Variants in OXR1 observed in about 807,000 individuals in gnomAD.
The protein encoded by OXR1 is oxidation resistance 1, also known as oxidation resistance protein 1.
Under a neutral mutation model 104.6 loss-of-function variants are expected in OXR1, and 41 were observed. The ratio of observed to expected loss-of-function variants is 0.39; its 90% CI spans 0.31 to 0.51. OXR1 has a LOEUF of 0.51. Among genes scored for constraint, OXR1 ranks in the 20% least tolerant of loss-of-function variants. The pLI is 0.77. For missense variants in OXR1, 955 were observed against 1,031.9 expected (o/e 0.93, Z 1.02); for synonymous variants, 348 against 348.4 (o/e 1.00, Z 0.01).
At chr8:106,498,042 C>T (rs1395191670) in intron 2 of OXR1, among the ~76,000 whole-genome samples, 1 of 152,072 alleles carries the variant, frequency 6.6e-6, no homozygotes, top group Non-Finnish European at 1.5e-5. Context: ...GTATGTTTGA[C>T]TTTTGTCTTC....
chr8:106,630,210 C>T (rs78810927), intron 3 of OXR1, among the ~76,000 whole-genome samples: 1 of 152,282 alleles, frequency 6.6e-6, no homozygotes, highest in Non-Finnish European at 1.5e-5. Context: ...TCTCCTTTAG[C>T]TTCCGTTTCT....
intron 2 of OXR1, among the ~76,000 whole-genome samples, chr8:106,376,383 C>G (rs1228785809): frequency 6.6e-6 from 1 of 152,044 alleles, no homozygotes; most frequent in African/African-American, 2.4e-5. Context: ...GGGGGATTTC[C>G]CTAAAATTGT....
intron 2 of OXR1, among the ~76,000 whole-genome samples, chr8:106,367,198 A>G (rs535328146): frequency 2.6e-4 from 39 of 151,734 alleles, no homozygotes; most frequent in Middle Eastern, 6.8e-3. Flanking sequence ...GGTAGCTGGG[A>G]CTACAGGTGC....
chr8:106,694,815 AGATAAATACATT>A (rs1412976738), intron 7 of OXR1, among the ~76,000 whole-genome samples: 18 of 124,600 alleles, frequency 1.4e-4, no homozygotes, highest in African/African-American at 5.6e-4. Flanking sequence ...TATATTTAAT[AGATAAATACATT>A]TATATATATA....
intron 1 of OXR1, among the ~76,000 whole-genome samples, chr8:106,354,784 G>C (rs1305402293): frequency 1.3e-5 from 2 of 152,114 alleles, no homozygotes; most frequent in Non-Finnish European, 2.9e-5. Context: ...TATAGAAGTA[G>C]TTTAGAAAAA....
chr8:106,450,021 T>C (rs1162257689), intron 2 of OXR1, among the ~76,000 whole-genome samples: 1 of 152,198 alleles, frequency 6.6e-6, no homozygotes, highest in Admixed American at 6.5e-5. Context: ...TAGTGCTTAC[T>C]CCAGGCCAGT....
chr8:106,704,501 G>A (rs12547608), intron 8 of OXR1, among the ~76,000 whole-genome samples: 20,779 of 144,334 alleles, frequency 0.14, 1,745 homozygotes, highest in East Asian at 0.37. Flanking sequence ...GGGTTCAAGC[G>A]GTTCTCCTGC....
intron 1 of OXR1, among the ~76,000 whole-genome samples, chr8:106,328,769 C>T (rs1345402535): frequency 6.6e-6 from 1 of 152,224 alleles, no homozygotes; most frequent in East Asian, 1.9e-4. Context: ...CAGACCAACA[C>T]ATTTAATGAG....
intron 2 of OXR1, among the ~76,000 whole-genome samples, chr8:106,377,591 A>AT (rs1176981964): frequency 6.6e-6 from 1 of 152,192 alleles, no homozygotes. Context: ...TAAGGAGTTC[A>AT]TGGGCAGCCA....
At chr8:106,671,548 G>A (rs543956434) in intron 3 of OXR1, among the ~76,000 whole-genome samples, 106 of 152,148 alleles carry the variant, frequency 7.0e-4, no homozygotes, top group African/African-American at 2.1e-3. Flanking sequence ...ATTCACAATA[G>A]CAAAGACTTG....
chr8:106,635,464 T>C (rs1823051374), intron 3 of OXR1, among the ~76,000 whole-genome samples: 2 of 152,194 alleles, frequency 1.3e-5, no homozygotes. Flanking sequence ...TTTGTTTTTT[T>C]GACATAGTCT....
At chr8:106,485,135 C>CA (rs977013165) in intron 2 of OXR1, among the ~76,000 whole-genome samples, 2 of 151,726 alleles carry the variant, frequency 1.3e-5, no homozygotes, top group Non-Finnish European at 2.9e-5. Flanking sequence ...ATGGATACAA[C>CA]AAAAAAATCC....
chr8:106,341,075 TAA>T (rs1484380481), intron 1 of OXR1, among the ~76,000 whole-genome samples: 13 of 152,132 alleles, frequency 8.5e-5, no homozygotes, highest in Admixed American at 1.3e-4. Context: ...CTGCTGCTAC[TAA>T]AAGTTTCGTT....
intron 7 of OXR1, among the ~76,000 whole-genome samples, chr8:106,696,083 T>C (rs1438936969): frequency 6.6e-6 from 1 of 152,202 alleles, no homozygotes. Context: ...ATTAGTTTCA[T>C]TGGGCTGAAA....
chr8:106,450,725 C>T (rs1820265163), intron 2 of OXR1, among the ~76,000 whole-genome samples: 1 of 150,732 alleles, frequency 6.6e-6, no homozygotes, highest in South Asian at 2.1e-4. Flanking sequence ...TCCTTAAATG[C>T]TCTTATACTT....
chr8:106,580,897 C>A, intron 3 of OXR1: 1 of 738,274 alleles, frequency 1.4e-6, no homozygotes, highest in Non-Finnish European at 1.7e-6. Context: ...CTTTCAGAAG[C>A]TAAATATTTT....
chr8:106,381,605 T>TTA (rs1428929004), intron 2 of OXR1, among the ~76,000 whole-genome samples: 1 of 152,106 alleles, frequency 6.6e-6, no homozygotes, highest in Non-Finnish European at 1.5e-5. Flanking sequence ...AACACACAGG[T>TTA]TATACCTTTA....
chr8:106,544,694 A>G (rs1291429832), intron 3 of OXR1, among the ~76,000 whole-genome samples: 1 of 152,094 alleles, frequency 6.6e-6, no homozygotes, highest in Admixed American at 6.6e-5. Flanking sequence ...TTTCCCTGAA[A>G]GTTTGTATTA....
intron 3 of OXR1, among the ~76,000 whole-genome samples, chr8:106,558,842 C>T (rs1484642370): frequency 2.6e-5 from 4 of 152,268 alleles, no homozygotes; most frequent in Non-Finnish European, 4.4e-5. Context: ...ATCCATGTGT[C>T]TGTCCATCCC....
Sources: allele counts gnomAD v4.1 joint callset (sites outside exome capture counted in the v4.1 genomes callset), GRCh38; gene constraint gnomAD v4.1.1; transcripts MANE v1.5; gene names NCBI Gene and HGNC (gene_info 2026-07-23, HGNC 2026-07-21).